Variants in VPS13D observed in about 807,000 individuals in gnomAD.
VPS13D encodes the protein vacuolar protein sorting 13 homolog D.
Under a neutral mutation model 461.9 loss-of-function variants are expected in VPS13D, and 187 were observed. The ratio of observed to expected loss-of-function variants is 0.40; its 90% CI spans 0.36 to 0.46. The LOEUF (loss-of-function observed/expected upper bound fraction) is 0.46. Among genes scored for constraint, VPS13D ranks in the 20% least tolerant of loss-of-function variants. The pLI, the probability that VPS13D is intolerant of heterozygous loss-of-function variation, is 0.60. For missense variants in VPS13D, 4,711 were observed against 5,364.9 expected (o/e 0.88, Z 3.81); for synonymous variants, 1,951 against 1,986.3 (o/e 0.98, Z 0.47).
intron 5 of VPS13D, 98 bp downstream of exon 5, chr1:12,244,715 G>T: frequency 8.5e-7 from 1 of 1,172,072 alleles, no homozygotes; most frequent in Non-Finnish European, 1.2e-6. Flanking sequence ...CGTGGGCTCA[G>T]CTGATCTAGG....
chr1:12,281,007 T>C (rs1641762721), intron 20 of VPS13D, among the ~76,000 whole-genome samples: 1 of 152,074 alleles, frequency 6.6e-6, no homozygotes. Flanking sequence ...TAATGAGCTT[T>C]ATGTGCCCAT....
At chr1:12,414,691 G>A (rs565169553) in intron 63 of VPS13D, among the ~76,000 whole-genome samples, 2 of 152,292 alleles carry the variant, frequency 1.3e-5, no homozygotes, top group Admixed American at 1.3e-4. Flanking sequence ...TGATCTGGTG[G>A]TGGTTACATT....
intron 60 of VPS13D, among the ~76,000 whole-genome samples, chr1:12,388,404 A>T (rs937956680): frequency 6.6e-6 from 1 of 151,978 alleles, no homozygotes; most frequent in Non-Finnish European, 1.5e-5. Context: ...GTGAAACCCC[A>T]TCTCTACTAA....
chr1:12,292,262 CAAAAAA>C (rs766212937), intron 23 of VPS13D, among the ~76,000 whole-genome samples: 1 of 12,242 alleles, frequency 8.2e-5, no homozygotes, highest in African/African-American at 3.5e-4. Context: ...AACTCCATCT[CAAAAAA>C]AAAAAAAAAA....
At chr1:12,306,739 T>C (rs1202903773) in intron 26 of VPS13D, among the ~76,000 whole-genome samples, 2 of 152,184 alleles carry the variant, frequency 1.3e-5, no homozygotes, top group Admixed American at 1.3e-4. Flanking sequence ...ACCAGTTTCA[T>C]GGAAGACAAT....
chr1:12,485,367 T>G (rs1044356532), intron 67 of VPS13D, among the ~76,000 whole-genome samples: 6 of 152,198 alleles, frequency 3.9e-5, no homozygotes, highest in African/African-American at 1.4e-4. Context: ...CACGGTGGTC[T>G]TGGCATCTGT....
chr1:12,498,327 AG>A, intron 68 of VPS13D, among the ~76,000 whole-genome samples: 1 of 152,072 alleles, frequency 6.6e-6, no homozygotes, highest in East Asian at 1.9e-4. Flanking sequence ...ATCTCCTTTA[AG>A]GTAAAGCGAG....
intron 26 of VPS13D, 100 bp downstream of exon 26, chr1:12,304,828 A>C: frequency 8.8e-7 from 1 of 1,135,912 alleles, no homozygotes; most frequent in Non-Finnish European, 1.3e-6. Flanking sequence ...GCAAATGTTA[A>C]CGAAGAGATA....
intron 46 of VPS13D, among the ~76,000 whole-genome samples, chr1:12,353,554 A>T (rs1344647907): frequency 6.6e-5 from 10 of 151,422 alleles, no homozygotes. Flanking sequence ...AAAAAAAAAA[A>T]AACCAGACAT....
chr1:12,248,228 G>A (rs1210684109), intron 5 of VPS13D, among the ~76,000 whole-genome samples: 1 of 151,942 alleles, frequency 6.6e-6, no homozygotes, highest in Non-Finnish European at 1.5e-5. Flanking sequence ...TCTTTTTATT[G>A]TTGAGTTATA....
chr1:12,315,037 T>C (rs1642853129), intron 30 of VPS13D, among the ~76,000 whole-genome samples: 1 of 152,238 alleles, frequency 6.6e-6, no homozygotes, highest in Admixed American at 6.5e-5. Flanking sequence ...GTCATTGTTA[T>C]GCTGATATAA....
chr1:12,506,699 C>G (rs1200309692), intron 68 of VPS13D, among the ~76,000 whole-genome samples, 154 bp from the exon 69 acceptor site: 1 of 152,242 alleles, frequency 6.6e-6, no homozygotes, highest in East Asian at 1.9e-4. Context: ...CAACAAACAC[C>G]CACAAGATAG....
chr1:12,411,728 T>C (rs1250019969), intron 63 of VPS13D, among the ~76,000 whole-genome samples: 1 of 152,184 alleles, frequency 6.6e-6, no homozygotes, highest in Non-Finnish European at 1.5e-5. Context: ...TCACCAGTGG[T>C]TGTTCATATG....
intron 46 of VPS13D, among the ~76,000 whole-genome samples, chr1:12,351,974 A>T (rs1643806684): frequency 6.6e-6 from 1 of 151,754 alleles, no homozygotes; most frequent in African/African-American, 2.4e-5. Flanking sequence ...GAAAATCAGT[A>T]AATGTAACTC....
At position 12,306,808 on chromosome 1, in the gene VPS13D, C is replaced by T. The variant is rs142637619; in HGVS notation, c.6440-1623C>T. On this transcript the variant is annotated intron_variant, in intron 26 of 69. Coordinates refer to ENST00000620676, the MANE Select transcript of VPS13D (RefSeq NM_015378.4). The stretch of plus-strand genomic sequence containing the variant: ...ATGAAACTGTTCCACCGCAGATCAT[C>T]AGGCATTAGATTCTCATAAGGAGCA... 2.1e-3 allele frequency among the ~76,000 whole-genome samples: 316 copies of T among 152,300 alleles called. 2 individuals carry two copies. Among genetic ancestry groups the T allele is most frequent in the African/African-American group, 7.1e-3 (295 of 41,554 alleles).
rs142284397 is a variant in VPS13D at position 12,397,252 on chromosome 1, A to G, written c.11635-2929A>G. ...CCTGGCCAAAAAGTTGTTTTTTCCT[A>G]TAATACCTCTTTATGTGATGTATGC... On this transcript the variant is annotated intron_variant, in intron 60 of 69. Coordinates refer to ENST00000620676, the MANE Select transcript of VPS13D (RefSeq NM_015378.4). Among the ~76,000 whole-genome samples the G allele has an allele frequency of 3.3e-3, 508 of 152,330 alleles. 4 individuals are homozygous for G. Among genetic ancestry groups the G allele is most frequent in the African/African-American group, 0.012 (486 of 41,566 alleles).
At chr1:12,356,561 C>T in intron 49 of VPS13D, 37 bp downstream of exon 49, 1 of 1,601,974 alleles carries the variant, frequency 6.2e-7, no homozygotes, top group Non-Finnish European at 8.5e-7. Context: ...GAAATAAGCT[C>T]CCAGGGAAGG....
intron 2 of VPS13D, among the ~76,000 whole-genome samples, chr1:12,239,042 C>T (rs1266708414): frequency 1.3e-5 from 2 of 152,162 alleles, no homozygotes; most frequent in Non-Finnish European, 2.9e-5. Flanking sequence ...TCTGGAAATA[C>T]AGGCATCATG....
intron 59 of VPS13D, 118 bp downstream of exon 59, chr1:12,385,491 C>T (rs970003733): frequency 2.3e-5 from 18 of 775,430 alleles, no homozygotes; most frequent in Middle Eastern, 2.8e-4. Context: ...ATATGAGTTA[C>T]GCTTCACAGT....
Sources: allele counts gnomAD v4.1 joint callset (sites outside exome capture counted in the v4.1 genomes callset), GRCh38; gene constraint gnomAD v4.1.1; transcripts MANE v1.5; gene names NCBI Gene and HGNC (gene_info 2026-07-23, HGNC 2026-07-21).